The following ADGRA1 variants were observed in gnomAD, a reference collection of about 807,000 sequenced individuals.
The protein encoded by ADGRA1 is adhesion G protein-coupled receptor A1.
A neutral mutation model predicts 21.3 loss-of-function variants in ADGRA1; 12 were observed. That is an observed-to-expected ratio of 0.56 (90% CI 0.36 to 0.91). ADGRA1 has a LOEUF of 0.91. Among genes scored for constraint, ADGRA1 ranks in the 40% least tolerant of loss-of-function variants. The pLI, the probability that ADGRA1 is intolerant of heterozygous loss-of-function variation, is 0.01. For missense variants in ADGRA1, 790 were observed against 805.6 expected (o/e 0.98, Z 0.23); for synonymous variants, 385 against 368.8 (o/e 1.04, Z -0.50).
chr10:133,129,007 G>C lies in ADGRA1; in HGVS notation c.1179G>C (p.Thr393=). ...CCAKMHCEPL[T]ADEAHVHLQE... ...CCAAGATGCACTGCGAGCCACTGAC[G>C]GCGGACGAGGCGCACGTGCACCTGC... The change falls in exon 7 of 7, where the codon ACG becomes ACC. Residue 393 remains threonine (T), a synonymous_variant. Transcript: ENST00000392607. 1.3e-6 allele frequency: 2 copies of C among 1,567,528 alleles called. No homozygotes were observed. The highest frequency in any genetic ancestry group is 1.7e-6 in the Non-Finnish European group (2 of 1,156,260).
intron 4 of ADGRA1, 78 bp downstream of exon 4, chr10:133,098,841 C>G: frequency 1.3e-6 from 2 of 1,519,352 alleles, no homozygotes; most frequent in Non-Finnish European, 1.8e-6. Flanking sequence ...AAATAATATT[C>G]CAGCGTTTGC....
intron 5 of ADGRA1, among the ~76,000 whole-genome samples, chr10:133,122,416 C>T (rs951819665): frequency 5.9e-5 from 9 of 152,202 alleles, no homozygotes; most frequent in Non-Finnish European, 1.0e-4. Context: ...GATCACAGAG[C>T]CGGCAGCACT....
chr10:133,122,727 G>A (rs1274460596), intron 5 of ADGRA1, among the ~76,000 whole-genome samples: 2 of 152,136 alleles, frequency 1.3e-5, no homozygotes, highest in African/African-American at 4.8e-5. Flanking sequence ...AGAACCTTGG[G>A]GCCGGCCCCA....
At chr10:133,110,848 C>T (rs565073483) in intron 5 of ADGRA1, among the ~76,000 whole-genome samples, 1 of 152,270 alleles carries the variant, frequency 6.6e-6, no homozygotes, top group East Asian at 1.9e-4. Flanking sequence ...TCTTTAGTTT[C>T]CTGCCCAATC....
At chr10:133,112,772 A>ATTTG (rs1852077821) in intron 5 of ADGRA1, among the ~76,000 whole-genome samples, 1 of 56,272 alleles carries the variant, frequency 1.8e-5, no homozygotes. Context: ...TGGGGTCTGT[A>ATTTG]AGCTATGTCG....
intron 5 of ADGRA1, 135 bp from the exon 6 acceptor site, chr10:133,127,098 C>T (rs918660989): frequency 2.0e-6 from 1 of 488,244 alleles, no homozygotes; most frequent in Non-Finnish European, 3.4e-6. Context: ...GGTCGGGGGT[C>T]GGGGTTCTTG....
intron 6 of ADGRA1, among the ~76,000 whole-genome samples, chr10:133,127,761 T>TCCGCCTG (rs1262174408): frequency 1.3e-5 from 1 of 79,928 alleles, no homozygotes; most frequent in Non-Finnish European, 2.6e-5. Flanking sequence ...CCCTCCGCCT[T>TCCGCCTG]GCCCCGCCCA....
Position 133,102,775 on chromosome 10 carries a change from G to T in ADGRA1, c.334G>T (p.Val112Leu), listed in dbSNP as rs767479849. The part of the protein sequence containing the change: ...GVTARNIYKQ[V>L]TKKAPLCLDT... ...GACCGCCAGGAACATCTACAAGCAG[G>T]TGACCAAGAAGGCCCCTCTGTGCCT... The change falls in exon 5 of 7, where the codon GTG becomes TTG. Residue 112 changes from valine to leucine, a missense_variant. Physicochemically the swap from Val to Leu is conservative, Grantham distance 32 (BLOSUM62 1). Coordinates refer to ENST00000392607, the MANE Select transcript of ADGRA1 (RefSeq NM_001083909.3). 7 of 1,612,748 alleles carry T rather than the reference G, an allele frequency of 4.3e-6. No individual in the cohort carries two copies. In the East Asian group the frequency reaches 1.3e-4, roughly 31 times the overall value.
At chr10:133,098,412 C>T (rs761071666) in intron 3 of ADGRA1, among the ~76,000 whole-genome samples, 7 of 152,180 alleles carry the variant, frequency 4.6e-5, no homozygotes, top group Non-Finnish European at 8.8e-5. Context: ...CCCCTTCCAG[C>T]GTCAGTGTGC....
intron 5 of ADGRA1, among the ~76,000 whole-genome samples, chr10:133,116,794 C>T (rs9419112): frequency 0.6 from 90,634 of 151,278 alleles, 28,190 homozygotes; most frequent in African/African-American, 0.77. Flanking sequence ...TCTGACCCCC[C>T]AGCTCTGGTC....
intron 3 of ADGRA1, 136 bp downstream of exon 3, chr10:133,097,237 G>A: frequency 9.1e-7 from 1 of 1,102,218 alleles, no homozygotes; most frequent in Non-Finnish European, 1.3e-6. Context: ...CAGGTCACCA[G>A]CTAGCTCAGA....
intron 1 of ADGRA1, 129 bp from the exon 2 acceptor site, chr10:133,088,579 A>G (rs1851543416): frequency 4.3e-6 from 2 of 462,362 alleles, no homozygotes; most frequent in African/African-American, 4.1e-5. Context: ...CCCCAGGCGC[A>G]GCCCCCAGGC....
chr10:133,121,757 CGT>C (rs1337548966), intron 5 of ADGRA1, among the ~76,000 whole-genome samples: 2 of 118,988 alleles, frequency 1.7e-5, no homozygotes, highest in Admixed American at 8.8e-5. Context: ...TGCCAGTGTG[CGT>C]GTGTGCAAGT....
chr10:133,090,763 A>T (rs1014891597), intron 2 of ADGRA1, among the ~76,000 whole-genome samples: 2 of 152,122 alleles, frequency 1.3e-5, no homozygotes, highest in Non-Finnish European at 2.9e-5. Context: ...TGAGCTCCCA[A>T]GTGTAAGGGC....
intron 2 of ADGRA1, among the ~76,000 whole-genome samples, chr10:133,094,326 G>A (rs1465496556): frequency 6.6e-6 from 1 of 152,228 alleles, no homozygotes; most frequent in East Asian, 1.9e-4. Flanking sequence ...CCACAAACGG[G>A]AGGCTAAGTC....
chr10:133,122,866 C>T (rs1239429772), intron 5 of ADGRA1, among the ~76,000 whole-genome samples: 2 of 151,122 alleles, frequency 1.3e-5, no homozygotes, highest in East Asian at 3.9e-4. Flanking sequence ...CACGCGTCCC[C>T]AGGCTGCACT....
At chr10:133,125,047 CCT>C (rs1852352762) in intron 5 of ADGRA1, among the ~76,000 whole-genome samples, 3 of 152,382 alleles carry the variant, frequency 2.0e-5, no homozygotes, top group South Asian at 4.1e-4. Flanking sequence ...CCTCTATCTC[CCT>C]GTCTTATCGT....
chr10:133,127,850 TGGCCCCGCCCACCCAGC>T lies in ADGRA1; in HGVS notation c.501-478_501-462del, dbSNP rs1460266552. On this transcript the variant is annotated intron_variant, in intron 6 of 6. Transcript: ENST00000392607. ...CCGCCCACCCAGCTCCACCTCCGCCTGGCCCCGCCCACCCAGCTCCACCTCCGCCTGGCCCCGCCCAC... is the reference window on the plus strand; with the variant it reads ...CCGCCCACCCAGCTCCACCTCCGCCTTCCACCTCCGCCTGGCCCCGCCCAC... Among the ~76,000 whole-genome samples, 280 of 100,890 alleles carry T rather than the reference TGGCCCCGCCCACCCAGC, an allele frequency of 2.8e-3. 8 individuals are homozygous for T. The highest frequency in any genetic ancestry group is 9.6e-3 in the African/African-American group (247 of 25,834). The allele number at this position is 100,890 out of a possible 152,430, so 66.2% of individuals were successfully genotyped here. A position where few individuals can be genotyped will look rare whatever the true frequency, so the allele number is the denominator to read the frequency against.
intron 4 of ADGRA1, among the ~76,000 whole-genome samples, chr10:133,101,818 C>T (rs962849047): frequency 6.6e-6 from 1 of 152,160 alleles, no homozygotes; most frequent in Non-Finnish European, 1.5e-5. Context: ...GTCTCCTGCC[C>T]CCAGCGGCGC....
Sources: allele counts gnomAD v4.1 joint callset (sites outside exome capture counted in the v4.1 genomes callset), GRCh38; gene constraint gnomAD v4.1.1; transcripts MANE v1.5; gene names NCBI Gene and HGNC (gene_info 2026-07-23, HGNC 2026-07-21).